ATRX: variants seen among roughly 807,000 people sequenced by gnomAD.
ATRX encodes the protein chromatin remodeler ATRX.
Under a neutral mutation model 172.6 loss-of-function variants are expected in ATRX, and 12 were observed. The ratio of observed to expected loss-of-function variants is 0.07; its 90% CI spans 0.04 to 0.11. The LOEUF is 0.11. Among genes scored for constraint, ATRX ranks in the 10% least tolerant of loss-of-function variants. The probability of loss-of-function intolerance (pLI) is 1.00; values close to 1 mark genes in which losing one functional copy is unlikely to be tolerated. For synonymous variants in ATRX, 674 were observed against 594.7 expected (o/e 1.13, Z -1.94); for missense variants, 1,368 against 1,767.4 (o/e 0.77, Z 4.05).
At chrX:77,669,816 G>A (rs782678356) in intron 10 of ATRX, among the ~76,000 whole-genome samples, 12 of 109,720 alleles carry the variant, frequency 1.1e-4, no homozygotes, top group Admixed American at 2.0e-4. Context: ...ATTCTGCCTC[G>A]GTATCCTGAG....
At chrX:77,558,526 A>C in intron 29 of ATRX, 143 bp downstream of exon 29, 1 of 526,801 alleles carries the variant, frequency 1.9e-6, no homozygotes, top group East Asian at 3.6e-5. Context: ...AAGAAAAGCC[A>C]AAACTGACTT....
At chrX:77,648,389 G>A (rs2069022849) in intron 15 of ATRX, among the ~76,000 whole-genome samples, 1 of 110,562 alleles carries the variant, frequency 9.0e-6, no homozygotes, top group Non-Finnish European at 1.9e-5. Context: ...GAGTAAAAAT[G>A]AACACAAAAT....
chrX:77,586,166 G>A (rs143215116), intron 27 of ATRX, among the ~76,000 whole-genome samples: 1,637 of 112,145 alleles, frequency 0.015, 19 homozygotes, highest in Non-Finnish European at 0.023. Context: ...TATCACAAAG[G>A]ATAAATGTTT....
chrX:77,608,878 A>G (rs1372811908), intron 22 of ATRX, among the ~76,000 whole-genome samples: 2 of 112,324 alleles, frequency 1.8e-5, no homozygotes, highest in African/African-American at 6.5e-5. Context: ...TAAGGAGCTG[A>G]AACAAGTCAA....
At chrX:77,604,930 A>T (rs1557089510) in intron 22 of ATRX, among the ~76,000 whole-genome samples, 1 of 112,265 alleles carries the variant, frequency 8.9e-6, no homozygotes, top group African/African-American at 3.2e-5. Flanking sequence ...GTTCTCCCTT[A>T]TAAGTGGGGC....
intron 19 of ATRX, among the ~76,000 whole-genome samples, chrX:77,627,229 TC>T (rs1219197044): frequency 2.8e-5 from 3 of 108,249 alleles, no homozygotes; most frequent in Non-Finnish European, 3.8e-5. Context: ...TGAGACTCCG[TC>T]TCAAAAAAAA....
At chrX:77,706,625 TG>T (rs2072837534) in intron 2 of ATRX, among the ~76,000 whole-genome samples, 1 of 111,207 alleles carries the variant, frequency 9.0e-6, no homozygotes, top group East Asian at 2.8e-4. Flanking sequence ...ACAACCCAAC[TG>T]GGTGCAGTGT....
At chrX:77,696,784 G>A (rs2148678349) in intron 4 of ATRX, 80 bp from the exon 5 acceptor site, 1 of 1,033,453 alleles carries the variant, frequency 9.7e-7, no homozygotes, top group African/African-American at 1.9e-5. Context: ...ATAACATGTT[G>A]AGATTGAGCA....
intron 2 of ATRX, among the ~76,000 whole-genome samples, chrX:77,700,117 T>C (rs1397046966): frequency 3.6e-5 from 4 of 109,952 alleles, no homozygotes; most frequent in African/African-American, 1.3e-4. Flanking sequence ...ATCCAAACTA[T>C]ACAAAGAATG....
chrX:77,635,256 G>A (rs2068293407), intron 16 of ATRX, among the ~76,000 whole-genome samples: 1 of 111,561 alleles, frequency 9.0e-6, no homozygotes, highest in African/African-American at 3.3e-5. Flanking sequence ...CTGTACTCCA[G>A]CCTGAGTGAC....
At position 77,681,872 on chromosome X, in the gene ATRX, T is replaced by A. The variant is rs1557137514; in HGVS notation, c.3384A>T (p.Arg1128Ser). 1.7e-6 allele frequency: 2 copies of A among 1,207,828 alleles called. No individual in the cohort carries two copies. The highest frequency in any genetic ancestry group is 4.4e-5 in the Admixed American group (2 of 45,713). Residue 1128 changes from arginine to serine, a missense_variant, in exon 9 of 35, where the codon AGA becomes AGT. By Grantham distance (110) the Arg-to-Ser change is moderately radical. Transcript: ENST00000373344. ...KEDGCNSSDKRLKRIELRERR... is the reference protein window; with the variant it reads ...KEDGCNSSDKSLKRIELRERR... The stretch of plus-strand genomic sequence containing the variant: ...TTTCCCTCAATTCTATTCTTTTCAG[T>A]CTCTTATCAGAAGAGTTACAACCAT...
chrX:77,521,376 G>C, intron 33 of ATRX, 27 bp downstream of exon 33: 1 of 1,141,111 alleles, frequency 8.8e-7, no homozygotes, highest in Non-Finnish European at 1.2e-6. Flanking sequence ...TTGGAGGTTG[G>C]AATAAGACAA....
rs1026585867 is a variant in ATRX at position 77,570,373 on chromosome X, C to T, written c.6326+3877G>A. On this transcript the variant is annotated intron_variant, in intron 28 of 34. Transcript: ENST00000373344. ...TTTTTTTTTTAGAGACAGGGTCTCG[C>T]TGTGATGCTCAGGCTGGTCTTGAAT... 2.2e-4 allele frequency among the ~76,000 whole-genome samples: 24 copies of T among 108,121 alleles called. 1 individual carries two copies. Among genetic ancestry groups the T allele is most frequent in the Admixed American group, 1.9e-3 (19 of 10,015 alleles). 93.9% of individuals were successfully genotyped at this position (108,121 alleles called of 115,157 possible).
At chrX:77,541,707 T>C (rs1419046014) in intron 30 of ATRX, among the ~76,000 whole-genome samples, 2 of 111,572 alleles carry the variant, frequency 1.8e-5, no homozygotes, top group Non-Finnish European at 3.8e-5. Flanking sequence ...ACAGAACCAA[T>C]GACAAAAACC....
chrX:77,567,855 A>G (rs1404277371), intron 28 of ATRX, among the ~76,000 whole-genome samples: 3 of 111,334 alleles, frequency 2.7e-5, no homozygotes, highest in Non-Finnish European at 3.8e-5. Context: ...ATATTTCCTG[A>G]ACATAATTGA....
chrX:77,561,801 A>G (rs782733820), intron 28 of ATRX: 1 of 111,526 alleles, frequency 9.0e-6, no homozygotes, highest in African/African-American at 3.2e-5. Context: ...TCCAATGGTA[A>G]CCTACAACTT....
intron 4 of ATRX, 98 bp downstream of exon 4, chrX:77,697,485 A>G: frequency 1.2e-6 from 1 of 831,225 alleles, no homozygotes; most frequent in Non-Finnish European, 1.8e-6. Flanking sequence ...GTTAACTCAG[A>G]ATAGTGGTTG....
Position 77,507,393 on chromosome X carries a change from G to A in ATRX, c.*958C>T, listed in dbSNP as rs1215966041. ...GCAATGGTTCTGCCATTTTGATGTT[G>A]TTTATAAAACAGGGTGTGAACCTAA... On this transcript the variant is annotated 3_prime_UTR_variant, in exon 35 of 35. Coordinates refer to ENST00000373344, the MANE Select transcript of ATRX (RefSeq NM_000489.6). 2.9e-5 allele frequency: 5 copies of A among 172,310 alleles called. No homozygotes were observed. Among genetic ancestry groups the A allele is most frequent in the African/African-American group, 5.9e-5 (2 of 33,768 alleles). The allele number at this position is 172,310 out of a possible 1,213,427, so 14.2% of individuals were successfully genotyped here.
chrX:77,563,981 C>T (rs1299550639), intron 28 of ATRX, among the ~76,000 whole-genome samples: 2 of 110,701 alleles, frequency 1.8e-5, no homozygotes, highest in African/African-American at 6.6e-5. Context: ...ATGGATGTCC[C>T]AGCTCAAAGA....
Sources: gnomAD v4.1 joint callset for allele counts (sites outside exome capture counted in the v4.1 genomes callset) on GRCh38, gnomAD v4.1.1 for gene constraint, MANE v1.5 for transcripts, NCBI Gene and HGNC (gene_info 2026-07-23, HGNC 2026-07-21) for gene names.